The following NHLRC2 variants were observed in gnomAD, a reference collection of about 807,000 sequenced individuals.
NHLRC2 encodes the protein NHL repeat-containing protein 2.
NHLRC2 carries 33 observed loss-of-function variants against 68.1 expected under a neutral mutation model. That is an observed-to-expected ratio of 0.48 (90% CI 0.37 to 0.65). NHLRC2 has a LOEUF of 0.65. Ranked by LOEUF, NHLRC2 falls within the 30% of genes least tolerant of loss-of-function variation. The pLI, the probability that NHLRC2 is intolerant of heterozygous loss-of-function variation, is 0.00. For missense variants in NHLRC2, 761 were observed against 853.8 expected (o/e 0.89, Z 1.35); for synonymous variants, 311 against 309.6 (o/e 1.00, Z -0.05).
At chr10:113,902,904 TTA>T (rs1292416455) in intron 8 of NHLRC2, among the ~76,000 whole-genome samples, 3 of 152,190 alleles carry the variant, frequency 2.0e-5, no homozygotes, top group Non-Finnish European at 2.9e-5. Context: ...GCAGGGAAAT[TTA>T]TATGTCATCT....
Position 113,913,321 on chromosome 10 carries a change from C to G in NHLRC2, c.*4785C>G, listed in dbSNP as rs1846346693. The stretch of plus-strand genomic sequence containing the variant: ...CTTAATCCAAAGAACCCCAAAAGTA[C>G]TAGCAATGATTGTTTCTGCAATTTA... On this transcript the variant is annotated 3_prime_UTR_variant, in exon 11 of 11. Transcript: ENST00000369301. 6.6e-6 allele frequency: 1 copy of G among 152,182 alleles called. No individual in the cohort carries two copies. The highest frequency in any genetic ancestry group is 2.4e-5 in the African/African-American group (1 of 41,440). The allele number at this position is 152,182 out of a possible 1,614,324, so 9.4% of individuals were successfully genotyped here. A position where few individuals can be genotyped will look rare whatever the true frequency, so the allele number is the denominator to read the frequency against.
At chr10:113,866,280 C>T (rs900844087) in intron 2 of NHLRC2, among the ~76,000 whole-genome samples, 1 of 151,980 alleles carries the variant, frequency 6.6e-6, no homozygotes, top group African/African-American at 2.4e-5. Flanking sequence ...GCAACTATGC[C>T]CTAAGATTGT....
Position 113,862,358 on chromosome 10 carries a change from G to A in NHLRC2, c.331+3678G>A, listed in dbSNP as rs981367011. Among the ~76,000 whole-genome samples the A allele has an allele frequency of 4.6e-5, 7 of 151,410 alleles. No homozygotes were observed. The South Asian group carries it at 6.3e-4, about 14-fold the overall frequency. ...AGCTGGCATAAATTCAAATTAGAGCGTAATAACTTTAAGATGTTAAATGTA... is the reference window on the plus strand; with the variant it reads ...AGCTGGCATAAATTCAAATTAGAGCATAATAACTTTAAGATGTTAAATGTA... On this transcript the variant is annotated intron_variant, in intron 2 of 10. Transcript: ENST00000369301.
intron 4 of NHLRC2, among the ~76,000 whole-genome samples, chr10:113,881,421 T>G (rs1589541750): frequency 6.6e-6 from 1 of 152,034 alleles, no homozygotes; most frequent in East Asian, 1.9e-4. Context: ...CTTTTAAAAA[T>G]ACAAGAATAT....
Position 113,855,067 on chromosome 10 carries a change from G to GGGGTGGGGGCCCCT in NHLRC2, c.178+18_178+31dup. ...TTCCGGAAGGTGAGGGGCTGGCGTCGGGGTGGGGGCCCCTCCCGGCACCTC... is the reference window on the plus strand; with the variant it reads ...TTCCGGAAGGTGAGGGGCTGGCGTCGGGGTGGGGGCCCCTGGGTGGGGGCCCCTCCCGGCACCTC... On this transcript the variant is annotated intron_variant, in intron 1 of 10. Transcript: ENST00000369301. 1 of 1,548,838 alleles carries GGGGTGGGGGCCCCT rather than the reference G, an allele frequency of 6.5e-7. No homozygotes were observed. The highest frequency in any genetic ancestry group is 2.4e-5 in the East Asian group (1 of 40,904).
chr10:113,905,664 C>G (rs1312107136), intron 10 of NHLRC2, among the ~76,000 whole-genome samples: 4 of 152,082 alleles, frequency 2.6e-5, no homozygotes, highest in Non-Finnish European at 4.4e-5. Flanking sequence ...CACGCTCTTT[C>G]ACACTTTCTC....
chr10:113,902,007 C>T (rs985129957), intron 7 of NHLRC2, 110 bp downstream of exon 7: 6 of 742,250 alleles, frequency 8.1e-6, no homozygotes, highest in African/African-American at 1.8e-5. Context: ...GGCCTATCTG[C>T]GAATCAAAAT....
intron 2 of NHLRC2, among the ~76,000 whole-genome samples, chr10:113,875,534 G>C (rs994288370): frequency 3.3e-5 from 5 of 152,100 alleles, no homozygotes; most frequent in African/African-American, 1.2e-4. Context: ...CCACTCTCAG[G>C]ACAAAGCTAG....
At chr10:113,906,430 T>C (rs907789404) in intron 10 of NHLRC2, among the ~76,000 whole-genome samples, 1 of 152,240 alleles carries the variant, frequency 6.6e-6, no homozygotes, top group South Asian at 2.1e-4. Flanking sequence ...TGTACACTTA[T>C]GTTTAAAGGA....
intron 2 of NHLRC2, among the ~76,000 whole-genome samples, chr10:113,871,839 A>G (rs1242705963): frequency 6.6e-6 from 1 of 152,184 alleles, no homozygotes; most frequent in Non-Finnish European, 1.5e-5. Flanking sequence ...GCATTTCACA[A>G]TACTAGGAGA....
chr10:113,874,735 A>AT (rs976643788), intron 2 of NHLRC2, among the ~76,000 whole-genome samples: 3 of 150,680 alleles, frequency 2.0e-5, no homozygotes, highest in African/African-American at 4.9e-5. Context: ...GGTTCTGTTT[A>AT]TTTTTTTTCA....
At chr10:113,889,047 T>G (rs886992999) in intron 5 of NHLRC2, among the ~76,000 whole-genome samples, 1 of 151,996 alleles carries the variant, frequency 6.6e-6, no homozygotes, top group Non-Finnish European at 1.5e-5. Context: ...GGCTGTTCTC[T>G]AACTCCTGAC....
Position 113,909,871 on chromosome 10 carries a change from G to A in NHLRC2, c.*1335G>A, listed in dbSNP as rs890538275. Reference sequence around the variant, plus strand: ...ATGGCATAATATGCTTCCCTTCCCTGTAAAAACAGTGCTAAATTTGAAGTG... The same window carrying A: ...ATGGCATAATATGCTTCCCTTCCCTATAAAAACAGTGCTAAATTTGAAGTG... On this transcript the variant is annotated 3_prime_UTR_variant, in exon 11 of 11. Coordinates refer to ENST00000369301, the MANE Select transcript of NHLRC2 (RefSeq NM_198514.4). 9.9e-5 allele frequency: 15 copies of A among 152,086 alleles called. No individual in the cohort carries two copies. Among genetic ancestry groups the A allele is most frequent in the African/African-American group, 3.6e-4 (15 of 41,440 alleles). 9.4% of individuals were successfully genotyped at this position (152,086 alleles called of 1,614,324 possible). A position where few individuals can be genotyped will look rare whatever the true frequency, so the allele number is the denominator to read the frequency against.
intron 5 of NHLRC2, among the ~76,000 whole-genome samples, chr10:113,895,283 A>C (rs377504148): frequency 6.6e-6 from 1 of 152,226 alleles, no homozygotes; most frequent in African/African-American, 2.4e-5. Context: ...CCTACTGAGC[A>C]TTTGGCATGT....
At position 113,857,889 on chromosome 10, in the gene NHLRC2, G is replaced by A. The variant is rs889612740; in HGVS notation, c.179-639G>A. Among the ~76,000 whole-genome samples the A allele has an allele frequency of 2.6e-5, 4 of 152,116 alleles. No individual in the cohort carries two copies. The South Asian group carries it at 8.3e-4, about 32-fold the overall frequency. On this transcript the variant is annotated intron_variant, in intron 1 of 10. Transcript: ENST00000369301. The stretch of plus-strand genomic sequence containing the variant: ...TCAGTTTCTTCTCCTTTAGGAAACT[G>A]TTTTAGGCATTTTGTATGTTTATCC...
Position 113,911,196 on chromosome 10 carries a change from T to C in NHLRC2, c.*2660T>C, listed in dbSNP as rs1016816286. On this transcript the variant is annotated 3_prime_UTR_variant, in exon 11 of 11. Coordinates refer to ENST00000369301, the MANE Select transcript of NHLRC2 (RefSeq NM_198514.4). ...TATATAATACCTGGAATCTTTGCCC[T>C]AAATTATTCTGCTGGTTTGTCGCTA... The C allele has an allele frequency of 2.0e-5, 3 of 152,174 alleles. No individual in the cohort carries two copies. Among genetic ancestry groups the C allele is most frequent in the African/African-American group, 7.2e-5 (3 of 41,472 alleles). The allele number at this position is 152,174 out of a possible 1,614,324, so 9.4% of individuals were successfully genotyped here.
At position 113,893,717 on chromosome 10, in the gene NHLRC2, G is replaced by A. The variant is rs1846152665; in HGVS notation, c.1040-4393G>A. On this transcript the variant is annotated intron_variant, in intron 5 of 10. Transcript: ENST00000369301. ...CTTTATCTATCACTGGGAAGCTTTT[G>A]CCTTATTATAGTAAGCCCCAGCTGA... Among the ~76,000 whole-genome samples, 5 of 152,176 alleles carry A rather than the reference G, an allele frequency of 3.3e-5. No individual in the cohort carries two copies. In the South Asian group the frequency reaches 1.0e-3, roughly 32 times the overall value.
intron 8 of NHLRC2, among the ~76,000 whole-genome samples, chr10:113,902,906 A>T (rs1361325974): frequency 6.6e-6 from 1 of 152,228 alleles, no homozygotes; most frequent in African/African-American, 2.4e-5. Context: ...AGGGAAATTT[A>T]TATGTCATCT....
chr10:113,858,845 G>A (rs1360176205), intron 2 of NHLRC2, 165 bp downstream of exon 2: 1 of 469,904 alleles, frequency 2.1e-6, no homozygotes. Flanking sequence ...TTTCATAAAG[G>A]ATTAAGCTTA....
Sources: gnomAD v4.1 joint callset for allele counts (sites outside exome capture counted in the v4.1 genomes callset) on GRCh38, gnomAD v4.1.1 for gene constraint, MANE v1.5 for transcripts, NCBI Gene and HGNC (gene_info 2026-07-23, HGNC 2026-07-21) for gene names.